CSMD2: variants seen among roughly 807,000 people sequenced by gnomAD.
CSMD2 encodes the protein CUB and sushi domain-containing protein 2.
In CSMD2, 130 loss-of-function variants were observed where a neutral mutation model predicts 398.5. The ratio of observed to expected loss-of-function variants is 0.33; its 90% CI spans 0.28 to 0.38. CSMD2 has a LOEUF of 0.38. Among genes scored for constraint, CSMD2 ranks in the 10% least tolerant of loss-of-function variants. The pLI, the probability that CSMD2 is intolerant of heterozygous loss-of-function variation, is 1.00. For missense variants in CSMD2, 3,829 were observed against 4,764.9 expected (o/e 0.80, Z 5.78); for synonymous variants, 1,828 against 1,908.5 (o/e 0.96, Z 1.10).
intron 5 of CSMD2, among the ~76,000 whole-genome samples, chr1:33,865,434 C>A (rs1374220363): frequency 1.3e-5 from 2 of 151,486 alleles, no homozygotes; most frequent in Non-Finnish European, 2.9e-5. Context: ...GCTGGGGAAC[C>A]AGATCAATCG....
chr1:34,003,029 A>C (rs1388933720), intron 3 of CSMD2, among the ~76,000 whole-genome samples: 1 of 152,122 alleles, frequency 6.6e-6, no homozygotes, highest in Non-Finnish European at 1.5e-5. Flanking sequence ...TATTTGCATA[A>C]ACAGTACCTC....
chr1:33,762,096 G>A (rs1649888806), intron 13 of CSMD2, among the ~76,000 whole-genome samples: 1 of 152,198 alleles, frequency 6.6e-6, no homozygotes, highest in Non-Finnish European at 1.5e-5. Context: ...TGCCTTCCCC[G>A]AGGACCACAG....
At chr1:33,882,744 A>G (rs1641322457) in intron 5 of CSMD2, among the ~76,000 whole-genome samples, 1 of 152,226 alleles carries the variant, frequency 6.6e-6, no homozygotes, top group Admixed American at 6.5e-5. Context: ...AAAGAATGGA[A>G]GATTCAGGAT....
chr1:33,670,873 G>A (rs145899027), intron 25 of CSMD2, among the ~76,000 whole-genome samples: 47 of 152,316 alleles, frequency 3.1e-4, no homozygotes, highest in African/African-American at 1.0e-3. Flanking sequence ...TAGGCCAAGG[G>A]TATGAGACCA....
chr1:34,148,400 C>T (rs1639980278), intron 1 of CSMD2, among the ~76,000 whole-genome samples: 1 of 152,204 alleles, frequency 6.6e-6, no homozygotes, highest in Admixed American at 6.5e-5. Flanking sequence ...TTTGGTGCAG[C>T]AACAGAAAAC....
chr1:33,572,784 AT>A, intron 49 of CSMD2, 93 bp from the exon 50 acceptor site: 1 of 1,020,506 alleles, frequency 9.8e-7, no homozygotes, highest in Non-Finnish European at 1.3e-6. Flanking sequence ...AGGTCCTTTT[AT>A]TAGTAAAAAC....
chr1:33,747,454 G>A (rs951300910), intron 13 of CSMD2, among the ~76,000 whole-genome samples: 4 of 152,152 alleles, frequency 2.6e-5, no homozygotes, highest in African/African-American at 7.2e-5. Context: ...ATATAGGTTG[G>A]AGCATGCTTT....
At chr1:33,625,774 C>T (rs185194823) in intron 33 of CSMD2, among the ~76,000 whole-genome samples, 58 of 152,294 alleles carry the variant, frequency 3.8e-4, no homozygotes, top group African/African-American at 1.3e-3. Flanking sequence ...AAACACAGCT[C>T]ATCCTGGGCA....
At chr1:34,086,034 AAG>A (rs1327306805) in intron 2 of CSMD2, among the ~76,000 whole-genome samples, 6 of 148,446 alleles carry the variant, frequency 4.0e-5, no homozygotes, top group Admixed American at 2.0e-4. Flanking sequence ...AAAAAAAAAA[AAG>A]AAAGAAAGAA....
chr1:34,013,868 TTC>T (rs1292910357), intron 3 of CSMD2, among the ~76,000 whole-genome samples: 1 of 151,910 alleles, frequency 6.6e-6, no homozygotes, highest in African/African-American at 2.4e-5. Flanking sequence ...GGCAGATAGG[TTC>T]TCTCCATCCA....
chr1:33,717,309 G>A (rs1334637699), intron 19 of CSMD2, among the ~76,000 whole-genome samples: 1 of 152,112 alleles, frequency 6.6e-6, no homozygotes, highest in Non-Finnish European at 1.5e-5. Context: ...ATGAAGTGGA[G>A]GGAGAGCAGG....
At chr1:34,087,413 T>G (rs1240518150) in intron 2 of CSMD2, among the ~76,000 whole-genome samples, 1 of 150,684 alleles carries the variant, frequency 6.6e-6, no homozygotes, top group South Asian at 2.1e-4. Flanking sequence ...TAAGTGGGAG[T>G]TGAACAATGA....
At chr1:33,845,138 G>A (rs568378082) in intron 6 of CSMD2, among the ~76,000 whole-genome samples, 16 of 152,110 alleles carry the variant, frequency 1.1e-4, no homozygotes, top group African/African-American at 3.4e-4. Context: ...TGAAAGCTAC[G>A]GTTAATAGGA....
At chr1:33,644,263 C>T (rs1411221981) in intron 29 of CSMD2, among the ~76,000 whole-genome samples, 2 of 152,144 alleles carry the variant, frequency 1.3e-5, no homozygotes, top group Non-Finnish European at 2.9e-5. Context: ...CCATGAATTT[C>T]CTTGGAGAAG....
At chr1:33,989,032 A>C (rs1368749003) in intron 3 of CSMD2, among the ~76,000 whole-genome samples, 27 of 36,688 alleles carry the variant, frequency 7.4e-4, no homozygotes, top group African/African-American at 2.6e-3. Context: ...ATATATATAT[A>C]TATATATATA....
chr1:33,663,140 C>T, intron 25 of CSMD2, 48 bp from the exon 26 acceptor site: 2 of 1,532,046 alleles, frequency 1.3e-6, no homozygotes, highest in Non-Finnish European at 1.8e-6. Flanking sequence ...GCCCTTCTTT[C>T]CAGGGGCTTC....
chr1:33,635,376 T>G lies in CSMD2; in HGVS notation c.4970-46A>C. On this transcript the variant is annotated intron_variant, in intron 30 of 70. Coordinates refer to ENST00000373381, the MANE Select transcript of CSMD2 (RefSeq NM_001281956.2). The surrounding 1 kb of genome is among the most constrained non-coding windows in gnomAD (Gnocchi z 5.0). ...AGAGTCAGGTGACCTTGTGGGCCTCTTACCAGTGACCATCCTCTGTTCTGC... is the reference window on the plus strand; with the variant it reads ...AGAGTCAGGTGACCTTGTGGGCCTCGTACCAGTGACCATCCTCTGTTCTGC... The G allele has an allele frequency of 3.4e-6, 4 of 1,186,520 alleles. No homozygotes were observed. Among genetic ancestry groups the G allele is most frequent in the Non-Finnish European group, 5.0e-6 (4 of 799,724 alleles). 73.5% of individuals were successfully genotyped at this position (1,186,520 alleles called of 1,614,324 possible). A position where few individuals can be genotyped will look rare whatever the true frequency, so the allele number is the denominator to read the frequency against.
Position 33,652,363 on chromosome 1 carries a change from T to A in CSMD2, c.4546A>T (p.Thr1516Ser). The A allele has an allele frequency of 6.2e-7, 1 of 1,614,170 alleles. No homozygotes were observed. Among genetic ancestry groups the A allele is most frequent in the Admixed American group, 1.7e-5 (1 of 60,030 alleles). ...GCGATGACGTAGTCTGGTGAGACGG[T>A]CACTTTCCAGTCACACTCCTTGCCT... Reference protein sequence around the residue: ...PPGKECDWKVTVSPDYVIALV... With the variant: ...PPGKECDWKVSVSPDYVIALV... Residue 1516 changes from threonine to serine, a missense_variant, in exon 28 of 71, where the codon ACC (threonine) becomes TCC (serine). Physicochemically the swap from Thr to Ser is moderately conservative, Grantham distance 58 (BLOSUM62 1). This residue lies in a region of CSMD2 where 2,001 missense variants were observed against 2,567.1 expected (regional missense o/e 0.78). Coordinates refer to ENST00000373381, the MANE Select transcript of CSMD2 (RefSeq NM_001281956.2).
At chr1:33,849,109 C>T (rs1225408701) in intron 5 of CSMD2, among the ~76,000 whole-genome samples, 3 of 152,194 alleles carry the variant, frequency 2.0e-5, no homozygotes, top group South Asian at 2.1e-4. Context: ...TCCTAGAAAT[C>T]CTGTTAACTG....
Sources: gnomAD v4.1 joint callset for allele counts (sites outside exome capture counted in the v4.1 genomes callset) on GRCh38, gnomAD v4.1.1 for gene constraint, gnomAD v4.1.1 regional missense constraint, Gnocchi (gnomAD v3.1) non-coding constraint, MANE v1.5 for transcripts, NCBI Gene and HGNC (gene_info 2026-07-23, HGNC 2026-07-21) for gene names.